TBC1D32: variants seen among roughly 807,000 people sequenced by gnomAD.
TBC1D32 encodes protein broad-minded.
TBC1D32 carries 151 observed loss-of-function variants against 170.3 expected under a neutral mutation model. The ratio of observed to expected loss-of-function variants is 0.89; its 90% CI spans 0.78 to 1.01. The LOEUF (loss-of-function observed/expected upper bound fraction) is 1.01, where lower values mean the gene tolerates loss of function less well. TBC1D32 is among the 50% of genes least tolerant of loss of function. The pLI is 0.00. For synonymous variants in TBC1D32, 498 were observed against 488.0 expected, an observed-to-expected ratio of 1.02 and a Z score of -0.27; for missense variants, 1,464 against 1,457.1, an observed-to-expected ratio of 1.00 and a Z score of -0.08.
intron 15 of TBC1D32, among the ~76,000 whole-genome samples, chr6:121,258,996 AAAGAG>A (rs1157418010): frequency 6.6e-6 from 1 of 151,910 alleles, no homozygotes; most frequent in Non-Finnish European, 1.5e-5. Context: ...AAAAAGAAAG[AAAGAG>A]AAGAAAGAAA....
intron 2 of TBC1D32, among the ~76,000 whole-genome samples, chr6:121,319,804 C>T (rs1373157759): frequency 4.6e-5 from 7 of 152,094 alleles, no homozygotes; most frequent in East Asian, 1.9e-4. Context: ...AATGTCATAT[C>T]ATCAATATCA....
intron 31 of TBC1D32, among the ~76,000 whole-genome samples, chr6:121,082,508 C>T (rs1424712967): frequency 6.6e-6 from 1 of 151,920 alleles, no homozygotes; most frequent in African/African-American, 2.4e-5. Context: ...ATGGTAATGT[C>T]TTATTCTAAC....
chr6:121,152,295 AATT>A (rs1401077329), intron 24 of TBC1D32, among the ~76,000 whole-genome samples: 1 of 152,118 alleles, frequency 6.6e-6, no homozygotes, highest in East Asian at 1.9e-4. Context: ...TCTGGTTGAA[AATT>A]ATTTTCTTAA....
In TBC1D32 at chr6:121,268,160, AG is replaced by A. The variant is rs1228501309; in HGVS notation, c.1733+10960del. ...AAAATCACAAAGATGGGGAGAAACC[AG>A]AGCAGAAAAGCGAAAATTCTAAAAA... On this transcript the variant is annotated intron_variant, in intron 15 of 31. Transcript: ENST00000398212. 4.0e-5 allele frequency among the ~76,000 whole-genome samples: 6 copies of A among 151,604 alleles called. 1 individual carries two copies. Among genetic ancestry groups the A allele is most frequent in the African/African-American group, 1.5e-4 (6 of 41,294 alleles).
intron 22 of TBC1D32, among the ~76,000 whole-genome samples, chr6:121,195,385 C>T (rs991611173): frequency 6.6e-6 from 1 of 152,186 alleles, no homozygotes; most frequent in Non-Finnish European, 1.5e-5. Flanking sequence ...CAGATAACCA[C>T]TCTACTTCTG....
intron 22 of TBC1D32, among the ~76,000 whole-genome samples, chr6:121,183,036 CTG>C (rs55884801): frequency 6.7e-6 from 1 of 149,032 alleles, no homozygotes; most frequent in East Asian, 2.0e-4. Flanking sequence ...AAGAGACAGA[CTG>C]TGTGTGTGTG....
At position 121,129,743 on chromosome 6, in the gene TBC1D32, T is replaced by C. The variant is rs538305436; in HGVS notation, c.2899+1884A>G. Reference sequence around the variant, plus strand: ...AATAGCATCTGTAAGACTTGATGACTAAGAGGACAGGTATCATTCAGGGGA... The same window carrying C: ...AATAGCATCTGTAAGACTTGATGACCAAGAGGACAGGTATCATTCAGGGGA... On this transcript the variant is annotated intron_variant, in intron 25 of 31. Transcript: ENST00000398212. The C allele has an allele frequency of 2.7e-5, 7 of 259,886 alleles. 1 individual carries two copies. Among genetic ancestry groups the C allele is most frequent in the East Asian group, 9.1e-5 (1 of 11,040 alleles). 16.1% of individuals were successfully genotyped at this position (259,886 alleles called of 1,614,324 possible).
In TBC1D32 at chr6:121,267,523, C is replaced by G. The variant is rs575591527; in HGVS notation, c.1734-11238G>C. Among the ~76,000 whole-genome samples the G allele has an allele frequency of 6.7e-4, 102 of 152,256 alleles. 2 individuals are homozygous for G. Among genetic ancestry groups the G allele is most frequent in the African/African-American group, 2.4e-3 (100 of 41,542 alleles). ...CCCACAGAGCCTCCCTCACGGCTAGCACAGCAGTCTGAGATCAAACTGCAA... is the reference window on the plus strand; with the variant it reads ...CCCACAGAGCCTCCCTCACGGCTAGGACAGCAGTCTGAGATCAAACTGCAA... On this transcript the variant is annotated intron_variant, in intron 15 of 31. Coordinates refer to ENST00000398212, the MANE Select transcript of TBC1D32 (RefSeq NM_152730.6).
chr6:121,316,559 T>A (rs989548030), intron 3 of TBC1D32, among the ~76,000 whole-genome samples: 1 of 152,142 alleles, frequency 6.6e-6, no homozygotes, highest in Admixed American at 6.5e-5. Flanking sequence ...CTCCATCACA[T>A]CAGGTAATCA....
At chr6:121,299,338 A>C in intron 10 of TBC1D32, 108 bp downstream of exon 10, 2 of 1,244,742 alleles carry the variant, frequency 1.6e-6, no homozygotes, top group Non-Finnish European at 2.2e-6. Flanking sequence ...GAATTGCTTC[A>C]TTATCCAATA....
At chr6:121,120,569 T>C (rs996716203) in intron 26 of TBC1D32, among the ~76,000 whole-genome samples, 1 of 152,158 alleles carries the variant, frequency 6.6e-6, no homozygotes, top group South Asian at 2.1e-4. Context: ...TTAATAGCTG[T>C]ATGTTTTTCA....
chr6:121,301,833 T>C (rs964474256), intron 9 of TBC1D32, among the ~76,000 whole-genome samples: 18 of 152,236 alleles, frequency 1.2e-4, no homozygotes, highest in African/African-American at 3.8e-4. Flanking sequence ...TTTTGCTATG[T>C]TGGCCAAGCT....
At chr6:121,110,382 A>C in intron 29 of TBC1D32, among the ~76,000 whole-genome samples, 1 of 151,952 alleles carries the variant, frequency 6.6e-6, no homozygotes, top group Non-Finnish European at 1.5e-5. Context: ...CTGTTTTCAA[A>C]GGACTTTCAT....
At position 121,080,689 on chromosome 6, in the gene TBC1D32, T is replaced by C. The variant is rs1344324284; in HGVS notation, c.*82A>G. On this transcript the variant is annotated 3_prime_UTR_variant, in exon 32 of 32. Coordinates refer to ENST00000398212, the MANE Select transcript of TBC1D32 (RefSeq NM_152730.6). ...ATGTATATTCACAAAGTAAATGTTG[T>C]TACAGACACAGAAAAACATCAAGCC... is the stretch of plus-strand genomic sequence containing the variant. 2 of 1,496,626 alleles carry C rather than the reference T, an allele frequency of 1.3e-6. No individual in the cohort carries two copies. The highest frequency in any genetic ancestry group is 1.8e-6 in the Non-Finnish European group (2 of 1,116,114). 92.7% of individuals were successfully genotyped at this position (1,496,626 alleles called of 1,614,324 possible).
At chr6:121,331,170 C>T (rs1413887474) in intron 1 of TBC1D32, among the ~76,000 whole-genome samples, 1 of 152,052 alleles carries the variant, frequency 6.6e-6, no homozygotes, top group Non-Finnish European at 1.5e-5. Flanking sequence ...AGCCCAGCAA[C>T]AATTTCCCCT....
At chr6:121,253,546 G>A (rs1332834669) in intron 17 of TBC1D32, among the ~76,000 whole-genome samples, 2 of 151,996 alleles carry the variant, frequency 1.3e-5, no homozygotes, top group African/African-American at 4.8e-5. Flanking sequence ...GTGAAACCCC[G>A]TCTCTACTAA....
At chr6:121,108,511 C>A (rs149114904) in intron 29 of TBC1D32, among the ~76,000 whole-genome samples, 2 of 151,906 alleles carry the variant, frequency 1.3e-5, no homozygotes, top group East Asian at 3.9e-4. Flanking sequence ...ATATAAACTA[C>A]GCTAAGACAA....
At chr6:121,210,134 T>C (rs371920390) in intron 21 of TBC1D32, among the ~76,000 whole-genome samples, 2 of 152,112 alleles carry the variant, frequency 1.3e-5, no homozygotes, top group South Asian at 2.1e-4. Flanking sequence ...ATACCTGACA[T>C]GAAGCCATGA....
At position 121,131,753 on chromosome 6, in the gene TBC1D32, C is replaced by T; in HGVS notation, c.2774-1G>A. 2 of 1,579,382 alleles carry T rather than the reference C, an allele frequency of 1.3e-6. No homozygotes were observed. The highest frequency in any genetic ancestry group is 1.7e-6 in the Non-Finnish European group (2 of 1,153,078). Reference sequence around the variant, plus strand: ...AATAAAAGCTTGTCAAGATCATTGTCTAATCAGAAAGATAACATACTATTA... The same window carrying T: ...AATAAAAGCTTGTCAAGATCATTGTTTAATCAGAAAGATAACATACTATTA... On this transcript the variant is annotated splice_acceptor_variant, in intron 24 of 31. Transcript: ENST00000398212. LOFTEE classifies it high-confidence loss of function.
Sources: allele counts gnomAD v4.1 joint callset (sites outside exome capture counted in the v4.1 genomes callset), GRCh38; gene constraint gnomAD v4.1.1; transcripts MANE v1.5; gene names NCBI Gene and HGNC (gene_info 2026-07-23, HGNC 2026-07-21).